The following WIPF1 variants were observed in gnomAD, a reference collection of about 807,000 sequenced individuals.
The protein encoded by WIPF1 is WAS/WASL interacting protein family member 1.
A neutral mutation model predicts 35.4 loss-of-function variants in WIPF1; 13 were observed. That is an observed-to-expected ratio of 0.37 (90% confidence interval 0.24 to 0.58). The LOEUF (loss-of-function observed/expected upper bound fraction) is 0.58, where lower values mean the gene tolerates loss of function less well. Ranked by LOEUF, WIPF1 falls within the 20% of genes least tolerant of loss-of-function variation. The pLI is 0.74. For synonymous variants in WIPF1, 267 were observed against 266.3 expected (o/e 1.00, Z -0.02); for missense variants, 591 against 667.0 (o/e 0.89, Z 1.25).
Position 174,572,000 on chromosome 2 carries a change from G to A in WIPF1, c.805C>T (p.Pro269Ser). Residue 269 changes from proline (P) to serine (S), a missense_variant, in exon 5 of 8, where the codon CCT becomes TCT. Physicochemically the swap from Pro to Ser is moderately conservative, Grantham distance 74. Coordinates refer to ENST00000679041, the MANE Select transcript of WIPF1 (RefSeq NM_001375834.1). This position sits in a 1 kb window ranked among gnomAD's most constrained non-coding sequence, Gnocchi z 4.6. ...ALDDKPPPPP[P>S]PVGNRPSIHR... Reference sequence around the variant, plus strand: ...ATGGAGGGCCTGTTGCCCACTGGAGGAGGTGGTGGAGGGGGTTTGTCATCC... The same window carrying A: ...ATGGAGGGCCTGTTGCCCACTGGAGAAGGTGGTGGAGGGGGTTTGTCATCC... 6.5e-7 allele frequency: 1 copy of A among 1,548,934 alleles called. No individual in the cohort carries two copies. The highest frequency in any genetic ancestry group is 2.2e-5 in the East Asian group (1 of 44,508).
chr2:174,641,536 AG>A (rs1231997504), intron 1 of WIPF1, among the ~76,000 whole-genome samples: 1 of 152,206 alleles, frequency 6.6e-6, no homozygotes, highest in African/African-American at 2.4e-5. Flanking sequence ...GATGTTTTAT[AG>A]ATCTTTTTTC....
At chr2:174,651,882 T>C (rs1259019356) in intron 1 of WIPF1, among the ~76,000 whole-genome samples, 1 of 152,236 alleles carries the variant, frequency 6.6e-6, no homozygotes, top group African/African-American at 2.4e-5. Context: ...GGTCACTTGA[T>C]GAACTGGGGG....
chr2:174,626,329 C>T (rs2105923732), intron 1 of WIPF1, among the ~76,000 whole-genome samples: 1 of 152,258 alleles, frequency 6.6e-6, no homozygotes. Context: ...GTGAACACAT[C>T]ACTATGCAGA....
intron 1 of WIPF1, among the ~76,000 whole-genome samples, chr2:174,606,763 C>T (rs1281237384): frequency 6.6e-6 from 1 of 152,184 alleles, no homozygotes; most frequent in African/African-American, 2.4e-5. Context: ...GGTCTTAGTG[C>T]TAACACTTCT....
intron 1 of WIPF1, chr2:174,587,419 T>C: frequency 6.6e-6 from 1 of 152,170 alleles, no homozygotes; most frequent in Non-Finnish European, 1.5e-5. Context: ...AACTGAAACC[T>C]AAACAAATAC....
At chr2:174,620,597 A>G (rs1438059738) in intron 1 of WIPF1, among the ~76,000 whole-genome samples, 6 of 152,214 alleles carry the variant, frequency 3.9e-5, no homozygotes, top group Non-Finnish European at 1.5e-5. Flanking sequence ...GCACATACCC[A>G]TTATCCTCTC....
chr2:174,599,794 T>TCTCC (rs755911636), upstream of WIPF1, among the ~76,000 whole-genome samples: 1 of 73,892 alleles, frequency 1.4e-5, no homozygotes, highest in Non-Finnish European at 2.6e-5. Context: ...ACACACACAC[T>TCTCC]CTCTCTCTCT....
chr2:174,563,512 G>A (rs1684550621), intron 7 of WIPF1, among the ~76,000 whole-genome samples: 1 of 152,160 alleles, frequency 6.6e-6, no homozygotes, highest in South Asian at 2.1e-4. Context: ...AGGCTGCAAT[G>A]AGCCAAGATT....
At chr2:174,623,779 C>T (rs1419106465) in intron 1 of WIPF1, among the ~76,000 whole-genome samples, 4 of 152,196 alleles carry the variant, frequency 2.6e-5, no homozygotes, top group Non-Finnish European at 5.9e-5. Context: ...TGATCTCCAC[C>T]TGCTGAAATT....
At chr2:174,671,097 G>A (rs974272753) in intron 1 of WIPF1, among the ~76,000 whole-genome samples, 5 of 152,242 alleles carry the variant, frequency 3.3e-5, no homozygotes, top group African/African-American at 1.2e-4. Flanking sequence ...GCAACTGTGT[G>A]TGATAGATTG....
intron 4 of WIPF1, chr2:174,574,975 T>G: frequency 1.3e-6 from 1 of 752,332 alleles, no homozygotes; most frequent in Non-Finnish European, 2.4e-6. Flanking sequence ...AATGTACAGG[T>G]TACCCCCAAA....
intron 1 of WIPF1, among the ~76,000 whole-genome samples, chr2:174,647,183 G>A (rs1012129911): frequency 6.6e-6 from 1 of 152,072 alleles, no homozygotes; most frequent in Non-Finnish European, 1.5e-5. Context: ...ACTGGCCTGG[G>A]CAGCAGAGCG....
At chr2:174,570,802 T>C (rs961697577) in intron 5 of WIPF1, among the ~76,000 whole-genome samples, 2 of 152,176 alleles carry the variant, frequency 1.3e-5, no homozygotes, top group African/African-American at 4.8e-5. Flanking sequence ...TTTCCAGACA[T>C]AATAAGGTCT....
upstream of WIPF1, among the ~76,000 whole-genome samples, chr2:174,600,026 C>T (rs1407077108): frequency 6.6e-6 from 1 of 152,194 alleles, no homozygotes; most frequent in Non-Finnish European, 1.5e-5. Flanking sequence ...AAGGAGCTCG[C>T]ATGCACAGTT....
chr2:174,638,542 C>T (rs929555814), intron 1 of WIPF1, among the ~76,000 whole-genome samples: 26 of 152,104 alleles, frequency 1.7e-4, no homozygotes, highest in African/African-American at 5.6e-4. Context: ...TTGACCCCAT[C>T]TTCCCCTCCC....
chr2:174,619,954 A>G (rs1686624897), intron 1 of WIPF1, among the ~76,000 whole-genome samples: 1 of 152,166 alleles, frequency 6.6e-6, no homozygotes, highest in Non-Finnish European at 1.5e-5. Context: ...GAAAAAAAAA[A>G]AAAAAGAAAT....
At chr2:174,595,663 T>C (rs1218531105) in intron 1 of WIPF1, among the ~76,000 whole-genome samples, 1 of 152,222 alleles carries the variant, frequency 6.6e-6, no homozygotes, top group African/African-American at 2.4e-5. Context: ...AATCAGCCTA[T>C]GTGTGTACAC....
intron 1 of WIPF1, among the ~76,000 whole-genome samples, chr2:174,650,892 T>C (rs796107587): frequency 3.3e-5 from 5 of 152,372 alleles, no homozygotes; most frequent in African/African-American, 4.8e-5. Flanking sequence ...GGCAAACTTA[T>C]GTCTACAGAG....
intron 1 of WIPF1, among the ~76,000 whole-genome samples, chr2:174,670,317 G>C (rs1051313522): frequency 6.6e-6 from 1 of 152,168 alleles, no homozygotes; most frequent in Non-Finnish European, 1.5e-5. Flanking sequence ...CTCCCTGTCT[G>C]TGTTGCTAGG....
Sources: gnomAD v4.1 joint callset for allele counts (sites outside exome capture counted in the v4.1 genomes callset) on GRCh38, gnomAD v4.1.1 for gene constraint, Gnocchi (gnomAD v3.1) non-coding constraint, MANE v1.5 for transcripts, NCBI Gene and HGNC (gene_info 2026-07-23, HGNC 2026-07-21) for gene names.